The following LAPTM4B variants were observed in gnomAD, a reference collection of about 807,000 sequenced individuals.
LAPTM4B encodes the protein lysosomal protein transmembrane 4 beta.
Under a neutral mutation model 28.5 loss-of-function variants are expected in LAPTM4B, and 26 were observed. That is an observed-to-expected ratio of 0.91 (90% CI 0.67 to 1.27). LAPTM4B has a LOEUF of 1.27. Ranked by LOEUF, LAPTM4B falls within the 50% of genes most tolerant of loss-of-function variation. LAPTM4B has a pLI of 0.00. For synonymous variants in LAPTM4B, 109 were observed against 106.4 expected, an observed-to-expected ratio of 1.02 and a Z score of -0.15; for missense variants, 288 against 285.8, an observed-to-expected ratio of 1.01 and a Z score of -0.06.
At chr8:97,781,684 T>G (rs1358712240) in intron 1 of LAPTM4B, among the ~76,000 whole-genome samples, 1 of 152,344 alleles carries the variant, frequency 6.6e-6, no homozygotes, top group South Asian at 2.1e-4. Context: ...TTGTGCTGTT[T>G]CCCAGTTAAT....
intron 6 of LAPTM4B, among the ~76,000 whole-genome samples, chr8:97,832,680 T>TATTTTATTTTATTTC (rs1817199691): frequency 1.3e-5 from 1 of 77,034 alleles, no homozygotes; most frequent in Admixed American, 1.4e-4. Context: ...TATTTATTTT[T>TATTTTATTTTATTTC]ATTTTATTTT....
At chr8:97,840,047 T>C (rs1318278715) in intron 6 of LAPTM4B, among the ~76,000 whole-genome samples, 1 of 152,188 alleles carries the variant, frequency 6.6e-6, no homozygotes, top group Non-Finnish European at 1.5e-5. Context: ...GGAACGGTTG[T>C]TGTCGTGAAG....
rs1368691402 is a variant in LAPTM4B, at chr8:97,776,200, GCTCATC to G, written c.99+94_99+99del. 2.3e-6 allele frequency: 3 copies of G among 1,310,620 alleles called. No individual in the cohort carries two copies. In the African/African-American group the frequency reaches 4.7e-5, roughly 20 times the overall value. 81.2% of individuals were successfully genotyped at this position (1,310,620 alleles called of 1,614,324 possible). A position where few individuals can be genotyped will look rare whatever the true frequency, so the allele number is the denominator to read the frequency against. On this transcript the variant is annotated intron_variant, in intron 1 of 6. Transcript: ENST00000521545. ...GGCCTCGCGGTGGGGTGAGGCGTGC[GCTCATC>G]CGCCTAAAGTTGTATTATTAGAAAC...
intron 6 of LAPTM4B, among the ~76,000 whole-genome samples, chr8:97,848,939 G>A (rs545418052): frequency 2.0e-5 from 3 of 149,138 alleles, no homozygotes; most frequent in Non-Finnish European, 4.5e-5. Flanking sequence ...TTTTCTTCCC[G>A]CAGCTCAAGC....
chr8:97,821,914 T>TA (rs1260198833), intron 5 of LAPTM4B, among the ~76,000 whole-genome samples: 3 of 151,706 alleles, frequency 2.0e-5, no homozygotes, highest in Non-Finnish European at 4.4e-5. Flanking sequence ...CCAACATAAA[T>TA]AAAAAAATAA....
At chr8:97,846,210 T>G (rs1817431482) in intron 6 of LAPTM4B, among the ~76,000 whole-genome samples, 2 of 152,132 alleles carry the variant, frequency 1.3e-5, no homozygotes, top group South Asian at 4.2e-4. Context: ...AAGACCCTTG[T>G]GTAATTTATA....
chr8:97,787,948 G>A (rs1036162671), intron 1 of LAPTM4B, among the ~76,000 whole-genome samples: 4 of 151,882 alleles, frequency 2.6e-5, no homozygotes, highest in Admixed American at 6.6e-5. Context: ...ATTCTCCTGC[G>A]CCAGCCTCCC....
chr8:97,775,959 T>TCCAGGCGAGGCGGG lies in LAPTM4B; in HGVS notation c.-50_-49insCAGGCGAGGCGGGC, dbSNP rs774596199. 2.1e-6 allele frequency: 3 copies of TCCAGGCGAGGCGGG among 1,449,940 alleles called. No individual in the cohort carries two copies. Among genetic ancestry groups the TCCAGGCGAGGCGGG allele is most frequent in the Non-Finnish European group, 9.1e-7 (1 of 1,095,358 alleles). 89.8% of individuals were successfully genotyped at this position (1,449,940 alleles called of 1,614,324 possible). A position where few individuals can be genotyped will look rare whatever the true frequency, so the allele number is the denominator to read the frequency against. On this transcript the variant is annotated 5_prime_UTR_variant, in exon 1 of 7. Transcript: ENST00000521545. ...GCGCGGCGGGCTCCAGGCGAGGCGG[T>TCCAGGCGAGGCGGG]CGACGCTCCTGAAAACTTGCGCGCG...
intron 2 of LAPTM4B, among the ~76,000 whole-genome samples, chr8:97,805,796 C>G (rs1269237875): frequency 6.6e-6 from 1 of 151,978 alleles, no homozygotes; most frequent in Non-Finnish European, 1.5e-5. Context: ...CTTGTGTCTT[C>G]TATTATGTTT....
chr8:97,844,589 G>A (rs889143160), intron 6 of LAPTM4B, among the ~76,000 whole-genome samples: 1 of 152,158 alleles, frequency 6.6e-6, no homozygotes, highest in Non-Finnish European at 1.5e-5. Flanking sequence ...TCACAAGACT[G>A]GAAGACTTCT....
Position 97,819,144 on chromosome 8 carries a change from C to T in LAPTM4B, c.413C>T (p.Pro138Leu). 1.3e-6 allele frequency: 2 copies of T among 1,598,642 alleles called. No individual in the cohort carries two copies. The highest frequency in any genetic ancestry group is 1.7e-6 in the Non-Finnish European group (2 of 1,171,068). Reference protein sequence around the residue: ...SIQEYIRQLPPNFPYRDDVMS... With the variant: ...SIQEYIRQLPLNFPYRDDVMS... ...TGAGGCCCTTTTCTTTTGCAGCCTC[C>T]TAATTTTCCCTACAGAGATGATGTC... The change falls in exon 5 of 7, where the codon CCT becomes CTT. Residue 138 changes from proline (P) to leucine (L), a missense_variant. Transcript: ENST00000521545.
chr8:97,815,640 C>T (rs1213392677), intron 3 of LAPTM4B, among the ~76,000 whole-genome samples: 3 of 151,918 alleles, frequency 2.0e-5, no homozygotes, highest in Non-Finnish European at 4.4e-5. Flanking sequence ...GATCTTAGCT[C>T]ACTGCAATCT....
In LAPTM4B at chr8:97,815,258, G is replaced by C. The variant is rs532571641; in HGVS notation, c.212-70G>C. 11 of 1,116,116 alleles carry C rather than the reference G, an allele frequency of 9.9e-6. No individual in the cohort carries two copies. The South Asian group carries it at 1.3e-4, about 13-fold the overall frequency. The allele number at this position is 1,116,116 out of a possible 1,614,324, so 69.1% of individuals were successfully genotyped here. A position where few individuals can be genotyped will look rare whatever the true frequency, so the allele number is the denominator to read the frequency against. On this transcript the variant is annotated intron_variant, in intron 2 of 6. Transcript: ENST00000521545. ...TATTTACAAAATGCCTTTGAGAAGA[G>C]ACTGAAAGTATTCAGTGGATCCACT...
At chr8:97,825,192 A>T (rs776174829) in intron 6 of LAPTM4B, 39 bp downstream of exon 6, 1 of 1,041,612 alleles carries the variant, frequency 9.6e-7, no homozygotes. Flanking sequence ...TCTCGCCCAC[A>T]CCTTTACTGT....
At chr8:97,809,297 C>CT (rs1816794950) in intron 2 of LAPTM4B, among the ~76,000 whole-genome samples, 1 of 152,168 alleles carries the variant, frequency 6.6e-6, no homozygotes, top group African/African-American at 2.4e-5. Flanking sequence ...AATTGTGTAG[C>CT]TTTAATCTGA....
At chr8:97,798,100 G>A (rs1387116808) in intron 1 of LAPTM4B, among the ~76,000 whole-genome samples, 5 of 152,192 alleles carry the variant, frequency 3.3e-5, no homozygotes, top group East Asian at 3.9e-4. Flanking sequence ...CCTGAGCGTC[G>A]TCTTGGTTCT....
At chr8:97,816,647 G>A in intron 4 of LAPTM4B, among the ~76,000 whole-genome samples, 1 of 152,200 alleles carries the variant, frequency 6.6e-6, no homozygotes, top group East Asian at 1.9e-4. Context: ...GATGGTGGTG[G>A]TTGATGTGCC....
intron 1 of LAPTM4B, among the ~76,000 whole-genome samples, chr8:97,781,278 C>CCTTTT (rs1816307006): frequency 2.0e-5 from 1 of 50,822 alleles, no homozygotes; most frequent in South Asian, 9.6e-4. Context: ...TGTGCCCGGC[C>CCTTTT]TTTTTTTTTT....
Position 97,830,553 on chromosome 8 carries a change from G to A in LAPTM4B, c.603+5400G>A, listed in dbSNP as rs529402971. ...CCTATTGTAAATGAAAGATACAAAG[G>A]GCTGTTGTTCTTTTTCAGGAATGCG... On this transcript the variant is annotated intron_variant, in intron 6 of 6. Coordinates refer to ENST00000521545, the MANE Select transcript of LAPTM4B (RefSeq NM_018407.6). Among the ~76,000 whole-genome samples the A allele has an allele frequency of 2.0e-5, 3 of 152,272 alleles. No homozygotes were observed. The South Asian group carries it at 6.2e-4, about 32-fold the overall frequency.
Sources: gnomAD v4.1 joint callset for allele counts (sites outside exome capture counted in the v4.1 genomes callset) on GRCh38, gnomAD v4.1.1 for gene constraint, MANE v1.5 for transcripts, NCBI Gene and HGNC (gene_info 2026-07-23, HGNC 2026-07-21) for gene names.